The following ECM2 variants were observed in gnomAD, a reference collection of about 807,000 sequenced individuals.
ECM2 encodes extracellular matrix protein 2, female organ and adipocyte specific.
ECM2 carries 57 observed loss-of-function variants against 67.5 expected under a neutral mutation model. That is an observed-to-expected ratio of 0.84 (90% CI 0.68 to 1.05). The LOEUF is 1.05. Among genes scored for constraint, ECM2 ranks in the 50% least tolerant of loss-of-function variants. The pLI is 0.00. For missense variants in ECM2, 741 were observed against 822.8 expected (o/e 0.90, Z 1.22); for synonymous variants, 258 against 294.5 (o/e 0.88, Z 1.27).
chr9:92,515,234 G>A, intron 3 of ECM2, 31 bp from the exon 4 acceptor site: 1 of 1,472,928 alleles, frequency 6.8e-7, no homozygotes, highest in South Asian at 1.6e-5. Context: ...AGGTAGCAGA[G>A]ATAAGTTGAT....
chr9:92,497,912 A>G (rs1384405848), intron 9 of ECM2, among the ~76,000 whole-genome samples: 4 of 148,534 alleles, frequency 2.7e-5, no homozygotes, highest in Non-Finnish European at 5.9e-5. Context: ...GCACCTCCCC[A>G]TTCTTTTTTG....
chr9:92,514,903 G>C lies in ECM2; in HGVS notation c.782C>G (p.Ala261Gly). The change falls in exon 4 of 10, where the codon GCA (alanine) becomes GGA (glycine). Residue 261 changes from alanine to glycine, a missense_variant. By Grantham distance (60) the Ala-to-Gly change is moderately conservative. Transcript: ENST00000344604. ...CCTTCCTTGGCGTTGTTGCTGGTGT[G>C]CCAGCCTCCTCTCCTCTCCAGGCCT... ...KQRPGEERRL[A>G]HQQQRQGREE... is the part of the protein sequence containing the mutation. 6.2e-7 allele frequency: 1 copy of C among 1,612,916 alleles called. No individual in the cohort carries two copies. The highest frequency in any genetic ancestry group is 8.5e-7 in the Non-Finnish European group (1 of 1,179,114).
intron 1 of ECM2, among the ~76,000 whole-genome samples, chr9:92,533,312 AAAAAAAAAAAAAAAAAATATAT>A (rs1848933670): frequency 2.3e-5 from 2 of 88,680 alleles, no homozygotes; most frequent in African/African-American, 9.4e-5. Context: ...ACAAAAAAAA[AAAAAAAAAAAAAAAAAATATAT>A]ATATATATAT....
chr9:92,516,446 C>G (rs1176959662), intron 3 of ECM2, among the ~76,000 whole-genome samples: 1 of 152,102 alleles, frequency 6.6e-6, no homozygotes, highest in Non-Finnish European at 1.5e-5. Context: ...ATATAAACTA[C>G]TCCCAAAAAG....
chr9:92,509,092 G>A (rs922211762), intron 6 of ECM2, among the ~76,000 whole-genome samples: 1 of 151,442 alleles, frequency 6.6e-6, no homozygotes, highest in East Asian at 2.0e-4. Flanking sequence ...GCACAGTCCC[G>A]AAACAAGCAG....
At chr9:92,541,547 T>A (rs181846117), upstream of ECM2, among the ~76,000 whole-genome samples, 722 of 151,534 alleles carry the variant, frequency 4.8e-3, 11 homozygotes, top group African/African-American at 0.017. Flanking sequence ...GATTTTTTTT[T>A]AAGATTCCAT....
intron 1 of ECM2, among the ~76,000 whole-genome samples, chr9:92,532,016 T>TTTTTTTTTTC (rs1848808015): frequency 9.5e-6 from 1 of 105,748 alleles, no homozygotes; most frequent in Non-Finnish European, 1.8e-5. Flanking sequence ...TTATTTAATG[T>TTTTTTTTTTC]TTTTTTTTTT....
chr9:92,510,456 C>T (rs530859997), intron 5 of ECM2, among the ~76,000 whole-genome samples: 1 of 152,346 alleles, frequency 6.6e-6, no homozygotes, highest in South Asian at 2.1e-4. Context: ...TTTAAACATA[C>T]TTGTAAACCT....
At chr9:92,540,061 A>C (rs1264185045), upstream of ECM2, among the ~76,000 whole-genome samples, 2 of 152,208 alleles carry the variant, frequency 1.3e-5, no homozygotes, top group Non-Finnish European at 2.9e-5. Flanking sequence ...AAGTGGCATA[A>C]ATTTTTAAAG....
At chr9:92,539,580 G>C (rs1849270029), upstream of ECM2, among the ~76,000 whole-genome samples, 1 of 152,080 alleles carries the variant, frequency 6.6e-6, no homozygotes, top group Non-Finnish European at 1.5e-5. Context: ...AAGGCTCTTG[G>C]TCTTGTTTAA....
At chr9:92,525,446 T>C (rs909580133) in intron 1 of ECM2, among the ~76,000 whole-genome samples, 8 of 152,188 alleles carry the variant, frequency 5.3e-5, no homozygotes, top group Non-Finnish European at 7.3e-5. Flanking sequence ...CAGTGACAAA[T>C]TGCATATACC....
At chr9:92,501,363 C>T (rs1000094805) in intron 8 of ECM2, among the ~76,000 whole-genome samples, 1 of 152,104 alleles carries the variant, frequency 6.6e-6, no homozygotes, top group Non-Finnish European at 1.5e-5. Flanking sequence ...AATATCTGTA[C>T]GGTTGATGCG....
In ECM2 at chr9:92,533,320, A is replaced by C. The variant is rs1162961235; in HGVS notation, c.-28+2613T>G. On this transcript the variant is annotated intron_variant, in intron 1 of 9. Transcript: ENST00000344604. ...GTCTCAAACAAAAAAAAAAAAAAAA[A>C]AAAAAAAAATATATATATATATATA... 6.5e-5 allele frequency among the ~76,000 whole-genome samples: 6 copies of C among 92,468 alleles called. 1 individual carries two copies. The highest frequency in any genetic ancestry group is 1.3e-4 in the Non-Finnish European group (6 of 47,440). The allele number at this position is 92,468 out of a possible 152,430, so 60.7% of individuals were successfully genotyped here.
chr9:92,522,435 G>T, intron 2 of ECM2, 140 bp downstream of exon 2: 1 of 997,032 alleles, frequency 1.0e-6, no homozygotes. Flanking sequence ...AAACCAAAAA[G>T]TAATATAATA....
At position 92,512,142 on chromosome 9, in the gene ECM2, G is replaced by A. The variant is rs200699120; in HGVS notation, c.1055-16C>T. 6.3e-7 allele frequency: 1 copy of A among 1,592,202 alleles called. No homozygotes were observed. The highest frequency in any genetic ancestry group is 2.2e-5 in the East Asian group (1 of 44,736). On this transcript the variant is annotated splice_polypyrimidine_tract_variant and intron_variant, in intron 4 of 9. Transcript: ENST00000344604. ...ATGGAATTGCCTAGGACACACAGCG[G>A]TTATGTTTTAGGCATGTGTGCATAT...
At chr9:92,532,853 G>A (rs565658977) in intron 1 of ECM2, among the ~76,000 whole-genome samples, 1 of 151,918 alleles carries the variant, frequency 6.6e-6, no homozygotes, top group Non-Finnish European at 1.5e-5. Context: ...GCCATGTTTT[G>A]TCTCTTCATA....
At chr9:92,513,387 T>C (rs915545702) in intron 4 of ECM2, among the ~76,000 whole-genome samples, 6 of 152,248 alleles carry the variant, frequency 3.9e-5, no homozygotes, top group African/African-American at 1.4e-4. Flanking sequence ...TAGAGAACTG[T>C]GGGGCATTTT....
chr9:92,533,318 A>ATATATAT (rs1848939859), intron 1 of ECM2, among the ~76,000 whole-genome samples: 2 of 94,840 alleles, frequency 2.1e-5, no homozygotes, highest in African/African-American at 8.5e-5. Context: ...AAAAAAAAAA[A>ATATATAT]AAAAAAAAAA....
chr9:92,507,568 G>A (rs1847081062), intron 6 of ECM2, among the ~76,000 whole-genome samples: 1 of 152,204 alleles, frequency 6.6e-6, no homozygotes, highest in South Asian at 2.1e-4. Flanking sequence ...AGGATTCATG[G>A]ACAGGAAACA....
Sources: gnomAD v4.1 joint callset for allele counts (sites outside exome capture counted in the v4.1 genomes callset) on GRCh38, gnomAD v4.1.1 for gene constraint, MANE v1.5 for transcripts, NCBI Gene and HGNC (gene_info 2026-07-23, HGNC 2026-07-21) for gene names.